The following XKR6 variants were observed in gnomAD, a reference collection of about 807,000 sequenced individuals.
XKR6 encodes XK-related protein 6.
In XKR6, 22 loss-of-function variants were observed where a neutral mutation model predicts 56.7. The observed-to-expected ratio is 0.39, with a 90% CI of 0.28 to 0.55. The LOEUF is 0.55. Among genes scored for constraint, XKR6 ranks in the 20% least tolerant of loss-of-function variants. The probability of loss-of-function intolerance (pLI) is 0.66; values close to 1 mark genes in which losing one functional copy is unlikely to be tolerated. For missense variants in XKR6, 852 were observed against 889.0 expected, an observed-to-expected ratio of 0.96 and a Z score of 0.53; for synonymous variants, 524 against 387.8, an observed-to-expected ratio of 1.35 and a Z score of -4.13.
At chr8:11,190,467 A>G (rs1302002654) in intron 1 of XKR6, among the ~76,000 whole-genome samples, 1 of 152,182 alleles carries the variant, frequency 6.6e-6, no homozygotes, top group African/African-American at 2.4e-5. Context: ...TGTAAGGTGC[A>G]TCTACCCTGA....
intron 1 of XKR6, among the ~76,000 whole-genome samples, chr8:11,034,449 G>A (rs17152785): frequency 1.3e-5 from 2 of 152,144 alleles, no homozygotes; most frequent in African/African-American, 4.8e-5. Flanking sequence ...AGAGCTCCAG[G>A]TGAAATGTAC....
At chr8:11,019,891 TG>T (rs1301136405) in intron 1 of XKR6, among the ~76,000 whole-genome samples, 1 of 152,130 alleles carries the variant, frequency 6.6e-6, no homozygotes, top group Non-Finnish European at 1.5e-5. Context: ...GAGGTTGTGG[TG>T]CTCACTTCCC....
At chr8:11,127,864 T>C (rs1232866583) in intron 1 of XKR6, among the ~76,000 whole-genome samples, 1 of 152,230 alleles carries the variant, frequency 6.6e-6, no homozygotes, top group Non-Finnish European at 1.5e-5. Context: ...TAACACTGAT[T>C]TGACGTTAAC....
intron 1 of XKR6, among the ~76,000 whole-genome samples, chr8:11,003,008 A>T (rs375633240): frequency 6.6e-6 from 1 of 152,222 alleles, no homozygotes; most frequent in East Asian, 1.9e-4. Flanking sequence ...CTGAAAAAAA[A>T]AAACCTCCAA....
In XKR6 at chr8:10,983,950, C is replaced by T. The variant is rs144140919; in HGVS notation, c.765-59120G>A. Among the ~76,000 whole-genome samples, 281 of 152,186 alleles carry T rather than the reference C, an allele frequency of 1.8e-3. 1 individual carries two copies. Among genetic ancestry groups the T allele is most frequent in the East Asian group, 0.012 (62 of 5,186 alleles). On this transcript the variant is annotated intron_variant, in intron 1 of 2. Coordinates refer to ENST00000416569, the MANE Select transcript of XKR6 (RefSeq NM_173683.4). ...GATTACAGGTGTGAGCCACTGCGCCCGGCCTTACATATTCTTTTTATAAAA... is the reference window on the plus strand; with the variant it reads ...GATTACAGGTGTGAGCCACTGCGCCTGGCCTTACATATTCTTTTTATAAAA...
intron 1 of XKR6, among the ~76,000 whole-genome samples, chr8:11,056,040 C>G (rs931345845): frequency 6.6e-6 from 1 of 152,176 alleles, no homozygotes; most frequent in African/African-American, 2.4e-5. Flanking sequence ...CCTCTCCCGC[C>G]CCACTTCTCA....
At chr8:11,061,103 T>C (rs1304360997) in intron 1 of XKR6, among the ~76,000 whole-genome samples, 1 of 152,146 alleles carries the variant, frequency 6.6e-6, no homozygotes, top group African/African-American at 2.4e-5. Context: ...CACAGCACCA[T>C]GAATGGCAAA....
intron 1 of XKR6, among the ~76,000 whole-genome samples, chr8:11,138,846 T>C (rs1800533107): frequency 6.6e-6 from 1 of 151,732 alleles, no homozygotes; most frequent in African/African-American, 2.4e-5. Context: ...AGGCAAACTA[T>C]ATAAAACAAA....
At chr8:10,937,528 G>A (rs1250342742) in intron 1 of XKR6, among the ~76,000 whole-genome samples, 1 of 148,134 alleles carries the variant, frequency 6.8e-6, no homozygotes, top group African/African-American at 2.5e-5. Flanking sequence ...CCATCTTTGT[G>A]GTTTTATCTA....
intron 2 of XKR6, among the ~76,000 whole-genome samples, chr8:10,920,723 C>T (rs759440620): frequency 6.6e-6 from 1 of 152,394 alleles, no homozygotes; most frequent in Non-Finnish European, 1.5e-5. Flanking sequence ...CCCTTACAGG[C>T]AGCCCGTGCT....
chr8:11,183,563 T>A (rs1440656295), intron 1 of XKR6, among the ~76,000 whole-genome samples: 1 of 151,892 alleles, frequency 6.6e-6, no homozygotes, highest in Admixed American at 6.6e-5. Flanking sequence ...CCTCAAGTGA[T>A]CCTCCCACCT....
At chr8:11,164,913 T>C (rs1205049947) in intron 1 of XKR6, among the ~76,000 whole-genome samples, 2 of 152,072 alleles carry the variant, frequency 1.3e-5, no homozygotes, top group East Asian at 3.8e-4. Flanking sequence ...ACAAAGGTCA[T>C]CCCACCTGCC....
chr8:11,182,063 G>C (rs541533089), intron 1 of XKR6, among the ~76,000 whole-genome samples: 2 of 152,334 alleles, frequency 1.3e-5, no homozygotes, highest in African/African-American at 2.4e-5. Flanking sequence ...ACAGGCATGA[G>C]CCACCACGCC....
intron 1 of XKR6, among the ~76,000 whole-genome samples, chr8:10,951,252 G>A (rs994458248): frequency 1.3e-5 from 2 of 149,838 alleles, no homozygotes; most frequent in African/African-American, 4.9e-5. Flanking sequence ...GGGGACAAGG[G>A]CTGTGGGGAA....
chr8:10,897,908 C>A lies in XKR6; in HGVS notation c.*44G>T. ...TATTTCTTGCAAGTGCTGTTTGCCG[C>A]AAACCAAACTTAAGGTCCCCTTCTC... On this transcript the variant is annotated 3_prime_UTR_variant, in exon 3 of 3. Coordinates refer to ENST00000416569, the MANE Select transcript of XKR6 (RefSeq NM_173683.4). 6.6e-7 allele frequency: 1 copy of A among 1,519,240 alleles called. No individual in the cohort carries two copies. The highest frequency in any genetic ancestry group is 8.8e-7 in the Non-Finnish European group (1 of 1,134,694). The allele number at this position is 1,519,240 out of a possible 1,614,324, so 94.1% of individuals were successfully genotyped here. A position where few individuals can be genotyped will look rare whatever the true frequency, so the allele number is the denominator to read the frequency against.
rs1586332701 is a variant in XKR6, at chr8:10,942,162, C to A, written c.765-17332G>T. ...CACCTCCCACATGAACACACACACT[C>A]GAACATACCACACACAGTTGCATAC... is the stretch of plus-strand genomic sequence containing the variant. On this transcript the variant is annotated intron_variant, in intron 1 of 2. Coordinates refer to ENST00000416569, the MANE Select transcript of XKR6 (RefSeq NM_173683.4). Among the ~76,000 whole-genome samples the A allele has an allele frequency of 2.6e-5, 4 of 152,252 alleles. No individual in the cohort carries two copies. The South Asian group carries it at 8.3e-4, about 32-fold the overall frequency.
intron 1 of XKR6, among the ~76,000 whole-genome samples, chr8:11,141,403 T>C (rs1563168806): frequency 1.3e-5 from 2 of 152,186 alleles, no homozygotes; most frequent in South Asian, 2.1e-4. Flanking sequence ...ATGGGATTCA[T>C]GGCCTCACAA....
At chr8:10,989,168 G>A (rs1206988051) in intron 1 of XKR6, among the ~76,000 whole-genome samples, 2 of 152,238 alleles carry the variant, frequency 1.3e-5, no homozygotes, top group African/African-American at 4.8e-5. Context: ...ATGCCTCACA[G>A]GGGCAATATT....
intron 1 of XKR6, among the ~76,000 whole-genome samples, chr8:11,117,333 C>T (rs1338996858): frequency 1.3e-5 from 2 of 152,148 alleles, no homozygotes; most frequent in Non-Finnish European, 1.5e-5. Flanking sequence ...CCTAACCCAG[C>T]AAAAACCAAC....
Sources: gnomAD v4.1 joint callset for allele counts (sites outside exome capture counted in the v4.1 genomes callset) on GRCh38, gnomAD v4.1.1 for gene constraint, MANE v1.5 for transcripts, NCBI Gene and HGNC (gene_info 2026-07-23, HGNC 2026-07-21) for gene names.